Variants in SRRT observed in about 807,000 individuals in gnomAD.
SRRT encodes serrate RNA effector molecule homolog.
SRRT carries 32 observed loss-of-function variants against 103.2 expected under a neutral mutation model. That is an observed-to-expected ratio of 0.31 (90% CI 0.23 to 0.42). SRRT has a LOEUF of 0.42. Among genes scored for constraint, SRRT ranks in the 10% least tolerant of loss-of-function variants. The pLI is 1.00. For missense variants in SRRT, 986 were observed against 1,207.5 expected (o/e 0.82, Z 2.72); for synonymous variants, 525 against 449.0 (o/e 1.17, Z -2.14).
In SRRT at chr7:100,875,302, G is replaced by T. The variant is rs1001618762; in HGVS notation, c.-45G>T. On this transcript the variant is annotated 5_prime_UTR_variant, in exon 1 of 20. Transcript: ENST00000611405. ...CCTGAAATCTAGCCCGTCCGAGCGC[G>T]AGTCCAACGGCCGCGGCCGCACCAA... The T allele has an allele frequency of 9.6e-7, 1 of 1,046,026 alleles. No homozygotes were observed. Among genetic ancestry groups the T allele is most frequent in the South Asian group, 2.1e-5 (1 of 48,652 alleles). The allele number at this position is 1,046,026 out of a possible 1,614,324, so 64.8% of individuals were successfully genotyped here.
In SRRT at chr7:100,881,645, T is replaced by TC. The variant is rs1381159134; in HGVS notation, c.252-9dup. ...CTCCCTTCTCTGCTTTACTTTTGTG[T>TC]CCCCCACCTTCAGGGATGAGCACAG... On this transcript the variant is annotated splice_polypyrimidine_tract_variant and intron_variant, in intron 3 of 19. Coordinates refer to ENST00000611405, the MANE Select transcript of SRRT (RefSeq NM_015908.6). 1.2e-6 allele frequency: 2 copies of TC among 1,613,552 alleles called. No individual in the cohort carries two copies. The highest frequency in any genetic ancestry group is 2.2e-5 in the South Asian group (2 of 91,040).
rs890571981 is a variant in SRRT at position 100,882,322 on chromosome 7, C to T, written c.587+81C>T. ...GGTGGAGCCACAGCCCTGTCCTCTT[C>T]CCAGTTTTCCCTGTCCAGAACTTTC... On this transcript the variant is annotated intron_variant, in intron 5 of 19. Coordinates refer to ENST00000611405, the MANE Select transcript of SRRT (RefSeq NM_015908.6). The surrounding 1 kb of genome is among the most constrained non-coding windows in gnomAD (Gnocchi z 4.2). 1 of 1,478,242 alleles carries T rather than the reference C, an allele frequency of 6.8e-7. No individual in the cohort carries two copies. Among genetic ancestry groups the T allele is most frequent in the Non-Finnish European group, 9.2e-7 (1 of 1,089,984 alleles). The allele number at this position is 1,478,242 out of a possible 1,614,324, so 91.6% of individuals were successfully genotyped here. A position where few individuals can be genotyped will look rare whatever the true frequency, so the allele number is the denominator to read the frequency against.
At chr7:100,886,024 A>G (rs1584754851) in intron 12 of SRRT, 83 bp downstream of exon 12, 3 of 1,508,974 alleles carry the variant, frequency 2.0e-6, no homozygotes, top group East Asian at 4.5e-5. Context: ...TGTTCATCTG[A>G]TAGTTTGGTT....
intron 12 of SRRT, 61 bp from the exon 13 acceptor site, chr7:100,886,186 C>A: frequency 6.4e-7 from 1 of 1,556,634 alleles, no homozygotes; most frequent in Non-Finnish European, 8.7e-7. Flanking sequence ...GGTCTTAGAG[C>A]TGCTGTTTCT....
chr7:100,881,559 G>A, intron 3 of SRRT, 100 bp from the exon 4 acceptor site: 3 of 1,578,858 alleles, frequency 1.9e-6, no homozygotes, highest in Non-Finnish European at 2.6e-6. Context: ...TGAAACCCTT[G>A]TCTGGGAGAC....
chr7:100,886,040 G>A, intron 12 of SRRT, 99 bp downstream of exon 12: 1 of 1,446,780 alleles, frequency 6.9e-7, no homozygotes. Flanking sequence ...TGGTTGTTCT[G>A]CACACTCTTT....
At chr7:100,877,980 T>TA (rs1233355545) in intron 2 of SRRT, among the ~76,000 whole-genome samples, 1 of 152,186 alleles carries the variant, frequency 6.6e-6, no homozygotes, top group Non-Finnish European at 1.5e-5. Context: ...AAGCTGTTGG[T>TA]ATTTGTTGCC....
intron 3 of SRRT, 22 bp from the exon 4 acceptor site, chr7:100,881,637 C>G (rs1452122755): frequency 2.5e-6 from 4 of 1,613,644 alleles, no homozygotes; most frequent in Non-Finnish European, 3.4e-6. Flanking sequence ...CTCTGCTTTA[C>G]TTTTGTGTCC....
chr7:100,887,526 GGAGAATGGCCGTGC>G lies in SRRT; in HGVS notation c.2169+14_2169+27del. ...CAAGAAATTCAAGGTGTGGGATGTT[GGAGAATGGCCGTGC>G]TACGGTGGTGGGAGGTGGGGTTGAG... On this transcript the variant is annotated intron_variant, in intron 16 of 19. Transcript: ENST00000611405. This position sits in a 1 kb window ranked among gnomAD's most constrained non-coding sequence, Gnocchi z 4.1. 6.2e-7 allele frequency: 1 copy of G among 1,612,516 alleles called. No individual in the cohort carries two copies.
Position 100,888,560 on chromosome 7 carries a change from G to A in SRRT, c.*11G>A, listed in dbSNP as rs1002048627. On this transcript the variant is annotated 3_prime_UTR_variant, in exon 20 of 20. Transcript: ENST00000611405. ...GTTGATTTCTTTTGAGCCGTCCCCC[G>A]TTCCTCAGTCCTGTATCATCCATAC... The A allele has an allele frequency of 2.4e-5, 38 of 1,613,996 alleles. No homozygotes were observed. Among genetic ancestry groups the A allele is most frequent in the South Asian group, 3.3e-5 (3 of 91,086 alleles).
At position 100,885,600 on chromosome 7, in the gene SRRT, T is replaced by A; in HGVS notation, c.1318-101T>A. On this transcript the variant is annotated intron_variant, in intron 10 of 19. Transcript: ENST00000611405. The surrounding 1 kb of genome is among the most constrained non-coding windows in gnomAD (Gnocchi z 4.8). ...CCCTGCCCAAGGATGGGAAGAGTGA[T>A]AAGGCAGTTAGTCCCTAGGGTTCTG... 3 of 1,301,528 alleles carry A rather than the reference T, an allele frequency of 2.3e-6. No homozygotes were observed. In the East Asian group the frequency reaches 7.5e-5, roughly 33 times the overall value. 80.6% of individuals were successfully genotyped at this position (1,301,528 alleles called of 1,614,324 possible). A position where few individuals can be genotyped will look rare whatever the true frequency, so the allele number is the denominator to read the frequency against.
intron 3 of SRRT, 28 bp from the exon 4 acceptor site, chr7:100,881,631 G>C (rs1789570980): frequency 6.2e-7 from 1 of 1,613,328 alleles, no homozygotes. Context: ...TCCCTTCTCT[G>C]CTTTACTTTT....
intron 2 of SRRT, among the ~76,000 whole-genome samples, chr7:100,877,027 T>C (rs1391837939): frequency 6.6e-6 from 1 of 152,142 alleles, no homozygotes. Context: ...TTTGTGGTAA[T>C]GTTTACATAT....
chr7:100,883,930 C>G, intron 5 of SRRT, 140 bp from the exon 6 acceptor site: 1 of 914,830 alleles, frequency 1.1e-6, no homozygotes, highest in Non-Finnish European at 1.6e-6. Flanking sequence ...CACCCCTATC[C>G]CTTAATCTCT....
rs2115864582 is a variant in SRRT at position 100,885,496 on chromosome 7, T to C, written c.1317+126T>C. ...TGCTAGGGAGGCCCCTTCCCCAGGT[T>C]CCATGGCCTCCGAGGACTAGTCCTG... On this transcript the variant is annotated intron_variant, in intron 10 of 19. Coordinates refer to ENST00000611405, the MANE Select transcript of SRRT (RefSeq NM_015908.6). The surrounding 1 kb of genome is among the most constrained non-coding windows in gnomAD (Gnocchi z 4.8). 8.5e-7 allele frequency: 1 copy of C among 1,171,976 alleles called. No individual in the cohort carries two copies. Among genetic ancestry groups the C allele is most frequent in the Non-Finnish European group, 1.2e-6 (1 of 835,890 alleles). The allele number at this position is 1,171,976 out of a possible 1,614,324, so 72.6% of individuals were successfully genotyped here.
At chr7:100,881,603 A>G (rs906318269) in intron 3 of SRRT, 56 bp from the exon 4 acceptor site, 21 of 1,609,342 alleles carry the variant, frequency 1.3e-5, no homozygotes, top group East Asian at 4.5e-5. Context: ...TCCATCCTCC[A>G]TGCTCTGGGG....
rs922559389 is a variant in SRRT, at chr7:100,885,720, G to A, written c.1337G>A (p.Gly446Asp). 1 of 1,613,270 alleles carries A rather than the reference G, an allele frequency of 6.2e-7. No individual in the cohort carries two copies. The highest frequency in any genetic ancestry group is 8.5e-7 in the Non-Finnish European group (1 of 1,179,600). ...EIISLCKRYP[G>D]FMRVALSEPQ... The stretch of plus-strand genomic sequence containing the variant: ...TTGCAGCTTTGTAAAAGGTACCCAG[G>A]CTTTATGCGGGTGGCGCTCTCAGAG... The change falls in exon 11 of 20, where the codon GGC becomes GAC. Residue 446 changes from glycine (G) to aspartate (D), a missense_variant. By Grantham distance (94) the Gly-to-Asp change is moderately conservative. Around this residue, in one of 6 missense-constraint regions of SRRT, gnomAD observed 349 missense variants for 446.9 expected, o/e 0.78. Transcript: ENST00000611405. The surrounding 1 kb of genome is among the most constrained non-coding windows in gnomAD (Gnocchi z 4.8).
At chr7:100,875,530 T>C in intron 1 of SRRT, 43 bp from the exon 2 acceptor site, 1 of 1,605,368 alleles carries the variant, frequency 6.2e-7, no homozygotes, top group Non-Finnish European at 8.5e-7. Context: ...CTTCCTCCGC[T>C]CGTCCTTTTG....
At chr7:100,881,831 G>C (rs1184121091) in intron 4 of SRRT, 26 bp downstream of exon 4, 3 of 1,574,960 alleles carry the variant, frequency 1.9e-6, no homozygotes, top group Non-Finnish European at 2.6e-6. Context: ...CTCAGAAGAG[G>C]GTTGGTAGGC....
Sources: allele counts gnomAD v4.1 joint callset (sites outside exome capture counted in the v4.1 genomes callset), GRCh38; gene constraint gnomAD v4.1.1; regional missense constraint gnomAD v4.1.1; non-coding constraint Gnocchi (gnomAD v3.1); transcripts MANE v1.5; gene names NCBI Gene and HGNC (gene_info 2026-07-23, HGNC 2026-07-21).